Variants in TNR observed in about 807,000 individuals in gnomAD.
The protein encoded by TNR is tenascin-R.
Under a neutral mutation model 150.4 loss-of-function variants are expected in TNR, and 45 were observed. That is an observed-to-expected ratio of 0.30 (90% CI 0.24 to 0.38). The LOEUF (loss-of-function observed/expected upper bound fraction) is 0.38. Ranked by LOEUF, TNR falls within the 10% of genes least tolerant of loss-of-function variation. The pLI, the probability that TNR is intolerant of heterozygous loss-of-function variation, is 1.00. For missense variants in TNR, 1,544 were observed against 1,759.1 expected, an observed-to-expected ratio of 0.88 and a Z score of 2.19; for synonymous variants, 687 against 678.4, an observed-to-expected ratio of 1.01 and a Z score of -0.20.
intron 1 of TNR, among the ~76,000 whole-genome samples, chr1:175,709,104 A>T (rs761486684): frequency 6.6e-6 from 1 of 152,032 alleles, no homozygotes; most frequent in Non-Finnish European, 1.5e-5. Flanking sequence ...ACACAGATGG[A>T]TCTTTGCTGT....
At chr1:175,437,001 T>C (rs1455896423) in intron 2 of TNR, among the ~76,000 whole-genome samples, 1 of 152,190 alleles carries the variant, frequency 6.6e-6, no homozygotes, top group African/African-American at 2.4e-5. Flanking sequence ...ATCCAGGAAT[T>C]GAACTCAGCT....
chr1:175,458,023 C>T lies in TNR; in HGVS notation c.-63-51246G>A, dbSNP rs145409523. Among the ~76,000 whole-genome samples, 325 of 152,300 alleles carry T rather than the reference C, an allele frequency of 2.1e-3. 1 individual carries two copies. Among genetic ancestry groups the T allele is most frequent in the African/African-American group, 7.4e-3 (307 of 41,568 alleles). On this transcript the variant is annotated intron_variant, in intron 2 of 22. Coordinates refer to ENST00000367674, the MANE Select transcript of TNR (RefSeq NM_003285.3). ...TCAAAATCTCTGATCCTAGGTTTTC[C>T]ATCTGTAAAATGGGGAAATAGTACC...
At chr1:175,424,280 G>A (rs544671862) in intron 2 of TNR, among the ~76,000 whole-genome samples, 10 of 152,176 alleles carry the variant, frequency 6.6e-5, no homozygotes, top group Non-Finnish European at 1.5e-4. Context: ...AGTCTGCATT[G>A]GAAGCCGGGC....
intron 20 of TNR, chr1:175,330,458 A>T: frequency 2.5e-6 from 1 of 398,132 alleles, no homozygotes; most frequent in Non-Finnish European, 4.4e-6. Context: ...TTTCCAACAC[A>T]GGAAACTCAG....
rs150935639 is a variant in TNR at position 175,591,243 on chromosome 1, G to A, written c.-164-62874C>T. On this transcript the variant is annotated intron_variant, in intron 1 of 22. Coordinates refer to ENST00000367674, the MANE Select transcript of TNR (RefSeq NM_003285.3). ...GGAGGAAGAGCCCTCAACAGCCCTA[G>A]CTTGGATGGCAGCCAGGGCTCTGTG... Among the ~76,000 whole-genome samples the A allele has an allele frequency of 9.8e-5, 15 of 152,320 alleles. 1 individual carries two copies. In the East Asian group the frequency reaches 2.9e-3, roughly 29 times the overall value.
In TNR at chr1:175,354,498, G is replaced by C; in HGVS notation, c.3275C>G (p.Thr1092Ser). The change falls in exon 18 of 23, where the codon ACC becomes AGC. Residue 1092 changes from threonine to serine, a missense_variant. Physicochemically the swap from Thr to Ser is moderately conservative, Grantham distance 58. Transcript: ENST00000367674. Reference sequence around the variant, plus strand: ...CAACAGGCCCTCCAGTCGAATCCAGGTGTCTTCTGCATCCACAATCAGCTC... The same window carrying C: ...CAACAGGCCCTCCAGTCGAATCCAGCTGTCTTCTGCATCCACAATCAGCTC... ...RKELIVDAED[T>S]WIRLEGLLEN... 1.9e-6 allele frequency: 3 copies of C among 1,614,118 alleles called. No individual in the cohort carries two copies. The highest frequency in any genetic ancestry group is 4.5e-5 in the East Asian group (2 of 44,878).
chr1:175,679,880 G>A (rs1409504482), intron 1 of TNR, among the ~76,000 whole-genome samples: 1 of 152,166 alleles, frequency 6.6e-6, no homozygotes, highest in African/African-American at 2.4e-5. Flanking sequence ...TGATAGCAGT[G>A]CCAGTGAGAT....
intron 2 of TNR, among the ~76,000 whole-genome samples, chr1:175,517,055 G>GAGAGAGAGAGAGAGAGAGAC (rs1659442123): frequency 8.4e-6 from 1 of 118,806 alleles, no homozygotes; most frequent in African/African-American, 3.3e-5. Flanking sequence ...GAGAGAGAGA[G>GAGAGAGAGAGAGAGAGAGAC]AGAAAGAGAG....
intron 1 of TNR, among the ~76,000 whole-genome samples, chr1:175,528,853 C>T (rs951084133): frequency 3.3e-5 from 5 of 152,192 alleles, no homozygotes; most frequent in Non-Finnish European, 1.5e-5. Context: ...TTGTGCCATG[C>T]TCACTCTGGA....
chr1:175,563,700 A>G (rs1375680154), intron 1 of TNR, among the ~76,000 whole-genome samples: 3 of 152,216 alleles, frequency 2.0e-5, no homozygotes, highest in Non-Finnish European at 2.9e-5. Context: ...AAGGAGCAAC[A>G]TGGAGACTTC....
At chr1:175,554,339 C>CAAAAAAAAAAA (rs5778860) in intron 1 of TNR, among the ~76,000 whole-genome samples, 1 of 115,132 alleles carries the variant, frequency 8.7e-6, no homozygotes. Context: ...TCCTACATGG[C>CAAAAAAAAAAA]AAAAAAAAAA....
At chr1:175,720,587 T>G (rs77640979) in intron 1 of TNR, among the ~76,000 whole-genome samples, 1 of 152,328 alleles carries the variant, frequency 6.6e-6, no homozygotes, top group South Asian at 2.1e-4. Context: ...TTTCAATAGG[T>G]TGATAGCTTT....
intron 20 of TNR, among the ~76,000 whole-genome samples, chr1:175,332,642 C>T (rs915013751): frequency 2.0e-5 from 3 of 152,164 alleles, no homozygotes; most frequent in African/African-American, 4.8e-5. Flanking sequence ...TCAACCCACT[C>T]ACCTCATTGT....
intron 2 of TNR, among the ~76,000 whole-genome samples, chr1:175,430,450 A>G (rs117527721): frequency 2.0e-5 from 3 of 152,214 alleles, no homozygotes; most frequent in Non-Finnish European, 4.4e-5. Flanking sequence ...AGATCATTCT[A>G]GTGGTTGAAA....
intron 1 of TNR, among the ~76,000 whole-genome samples, chr1:175,580,459 T>C (rs1004430687): frequency 2.6e-5 from 4 of 152,212 alleles, no homozygotes; most frequent in Non-Finnish European, 5.9e-5. Flanking sequence ...CCTTTGCTGA[T>C]TCTCCCACTG....
chr1:175,742,669 C>T (rs1183004636), intron 1 of TNR, among the ~76,000 whole-genome samples: 1 of 152,136 alleles, frequency 6.6e-6, no homozygotes, highest in African/African-American at 2.4e-5. Context: ...TCAGGTTGGG[C>T]TCTCTCCACA....
At chr1:175,647,603 T>G (rs1024505099) in intron 1 of TNR, among the ~76,000 whole-genome samples, 1 of 152,096 alleles carries the variant, frequency 6.6e-6, no homozygotes, top group Admixed American at 6.5e-5. Flanking sequence ...TAACAAGTAG[T>G]GTGTGAAATG....
intron 2 of TNR, among the ~76,000 whole-genome samples, chr1:175,514,281 T>G (rs1030534972): frequency 1.3e-5 from 2 of 152,192 alleles, no homozygotes; most frequent in African/African-American, 4.8e-5. Context: ...GGCTTTGATA[T>G]GGAGGAAGAG....
intron 1 of TNR, among the ~76,000 whole-genome samples, chr1:175,629,575 C>A (rs1301149971): frequency 1.3e-5 from 2 of 152,058 alleles, no homozygotes; most frequent in Non-Finnish European, 2.9e-5. Context: ...ACCAGGCTGG[C>A]GTCAAACCCT....
Sources: allele counts gnomAD v4.1 joint callset (sites outside exome capture counted in the v4.1 genomes callset), GRCh38; gene constraint gnomAD v4.1.1; transcripts MANE v1.5; gene names NCBI Gene and HGNC (gene_info 2026-07-23, HGNC 2026-07-21).